Variants in PRKCB observed in about 807,000 individuals in gnomAD.
PRKCB encodes protein kinase C beta.
In PRKCB, 13 loss-of-function variants were observed where a neutral mutation model predicts 81.5. The ratio of observed to expected loss-of-function variants is 0.16; its 90% CI spans 0.10 to 0.25. The LOEUF (loss-of-function observed/expected upper bound fraction) is 0.25. Among genes scored for constraint, PRKCB ranks in the 10% least tolerant of loss-of-function variants. The pLI, the probability that PRKCB is intolerant of heterozygous loss-of-function variation, is 1.00. For missense variants in PRKCB, 509 were observed against 875.7 expected, an observed-to-expected ratio of 0.58 and a Z score of 5.29; for synonymous variants, 335 against 321.4, an observed-to-expected ratio of 1.04 and a Z score of -0.45.
At chr16:24,041,985 GA>G (rs111410896) in intron 5 of PRKCB, among the ~76,000 whole-genome samples, 3,195 of 104,350 alleles carry the variant, frequency 0.031, 78 homozygotes, top group African/African-American at 0.088. Flanking sequence ...CTCCATCTTG[GA>G]AAAAAAAAAA....
intron 13 of PRKCB, among the ~76,000 whole-genome samples, chr16:24,181,854 C>T (rs1030515514): frequency 6.9e-6 from 1 of 145,224 alleles, no homozygotes; most frequent in African/African-American, 2.6e-5. Context: ...ACACAGAACA[C>T]TGTTCTGTTT....
intron 3 of PRKCB, among the ~76,000 whole-genome samples, chr16:24,021,720 T>C (rs1965407310): frequency 6.6e-6 from 1 of 152,052 alleles, no homozygotes; most frequent in African/African-American, 2.4e-5. Flanking sequence ...TCCCATGTCC[T>C]TGCTTTGTGA....
Position 23,914,874 on chromosome 16 carries a change from C to T in PRKCB, c.206-73634C>T, listed in dbSNP as rs1244226772. Among the ~76,000 whole-genome samples the T allele has an allele frequency of 3.9e-5, 6 of 152,304 alleles. No homozygotes were observed. In the East Asian group the frequency reaches 1.2e-3, roughly 29 times the overall value. The stretch of plus-strand genomic sequence containing the variant: ...GTGCCTCAGCTTTTAAGCATATATT[C>T]TCCTTGAAAACTATTTAAGCAGAAC... On this transcript the variant is annotated intron_variant, in intron 2 of 16. Coordinates refer to ENST00000643927, the MANE Select transcript of PRKCB (RefSeq NM_002738.7).
intron 9 of PRKCB, among the ~76,000 whole-genome samples, chr16:24,145,913 G>T (rs571577170): frequency 9.8e-5 from 15 of 152,324 alleles, no homozygotes; most frequent in South Asian, 6.2e-4. Context: ...TCTAATGAAG[G>T]TTGCCTCACT....
At chr16:23,865,514 T>C (rs1962771345) in intron 2 of PRKCB, among the ~76,000 whole-genome samples, 1 of 12,272 alleles carries the variant, frequency 8.1e-5, no homozygotes, top group African/African-American at 4.2e-4. Flanking sequence ...TATATATATA[T>C]ATATGTGTGT....
intron 2 of PRKCB, among the ~76,000 whole-genome samples, chr16:23,907,625 A>G (rs1053458700): frequency 6.6e-5 from 10 of 152,176 alleles, no homozygotes; most frequent in Non-Finnish European, 1.3e-4. Flanking sequence ...GTCTGTCATC[A>G]GCAGTATCAA....
At chr16:23,938,945 G>A (rs1964102117) in intron 2 of PRKCB, among the ~76,000 whole-genome samples, 1 of 152,186 alleles carries the variant, frequency 6.6e-6, no homozygotes, top group South Asian at 2.1e-4. Flanking sequence ...AACGACATGC[G>A]TATCTGTGCA....
intron 9 of PRKCB, among the ~76,000 whole-genome samples, chr16:24,150,789 C>T (rs1334501550): frequency 1.3e-5 from 2 of 152,168 alleles, no homozygotes; most frequent in African/African-American, 4.8e-5. Flanking sequence ...TATAATATTT[C>T]CTGTTTGGCC....
At chr16:24,117,260 T>G (rs1348896227) in intron 8 of PRKCB, among the ~76,000 whole-genome samples, 1 of 152,124 alleles carries the variant, frequency 6.6e-6, no homozygotes, top group Non-Finnish European at 1.5e-5. Flanking sequence ...GCTGCTAGAA[T>G]TGGGGTAATA....
At chr16:24,120,094 C>T (rs929453238) in intron 8 of PRKCB, among the ~76,000 whole-genome samples, 2 of 152,116 alleles carry the variant, frequency 1.3e-5, no homozygotes, top group African/African-American at 4.8e-5. Context: ...AGAAGCCAGG[C>T]ACAAGAGTAC....
At chr16:24,108,774 C>T in intron 7 of PRKCB, among the ~76,000 whole-genome samples, 2 of 150,964 alleles carry the variant, frequency 1.3e-5, no homozygotes, top group Middle Eastern at 3.4e-3. Context: ...ACACGGCAAC[C>T]ATCCGATTTC....
At chr16:24,021,640 A>G (rs180877645) in intron 3 of PRKCB, among the ~76,000 whole-genome samples, 81 of 151,972 alleles carry the variant, frequency 5.3e-4, no homozygotes, top group African/African-American at 1.8e-3. Flanking sequence ...CAGCCAGGGG[A>G]CACTGAGGGG....
rs1373490349 is a variant in PRKCB, at chr16:24,218,185, G to A, written c.*3369G>A. 1.0e-6 allele frequency: 1 copy of A among 985,122 alleles called. No homozygotes were observed. Among genetic ancestry groups the A allele is most frequent in the Non-Finnish European group, 1.2e-6 (1 of 829,894 alleles). The allele number at this position is 985,122 out of a possible 1,614,324, so 61.0% of individuals were successfully genotyped here. A position where few individuals can be genotyped will look rare whatever the true frequency, so the allele number is the denominator to read the frequency against. Reference sequence around the variant, plus strand: ...TTGGAGAGAAATAATAAATAAACAAGACAATTTCTGAAAGCAATAAGTGCA... The same window carrying A: ...TTGGAGAGAAATAATAAATAAACAAAACAATTTCTGAAAGCAATAAGTGCA... On this transcript the variant is annotated 3_prime_UTR_variant, in exon 17 of 17. Transcript: ENST00000643927.
At chr16:24,201,375 A>G (rs1247523472) in intron 16 of PRKCB, among the ~76,000 whole-genome samples, 1 of 152,174 alleles carries the variant, frequency 6.6e-6, no homozygotes, top group Non-Finnish European at 1.5e-5. Flanking sequence ...ATCCCTTAGG[A>G]TTACTTTCCC....
intron 12 of PRKCB, among the ~76,000 whole-genome samples, chr16:24,179,991 C>T (rs1455231427): frequency 6.6e-6 from 1 of 152,074 alleles, no homozygotes; most frequent in Non-Finnish European, 1.5e-5. Flanking sequence ...GTCACCCAGG[C>T]TGGAGTGCAG....
At chr16:24,149,602 G>T (rs1967046547) in intron 9 of PRKCB, among the ~76,000 whole-genome samples, 1 of 152,154 alleles carries the variant, frequency 6.6e-6, no homozygotes, top group Non-Finnish European at 1.5e-5. Flanking sequence ...TTAAAATGCA[G>T]ACTCCCAGGT....
intron 7 of PRKCB, among the ~76,000 whole-genome samples, chr16:24,104,317 G>A (rs77297543): frequency 0.059 from 8,920 of 152,126 alleles, 891 homozygotes; most frequent in African/African-American, 0.2. Context: ...CAGCTAATGC[G>A]TTTTCTCTAT....
intron 3 of PRKCB, among the ~76,000 whole-genome samples, chr16:23,991,940 T>C (rs1448896878): frequency 1.3e-5 from 2 of 152,230 alleles, no homozygotes; most frequent in African/African-American, 4.8e-5. Context: ...ACTTATATCC[T>C]GAAATCCTAA....
At chr16:23,855,834 G>A (rs1312758192) in intron 2 of PRKCB, among the ~76,000 whole-genome samples, 3 of 152,194 alleles carry the variant, frequency 2.0e-5, no homozygotes, top group Non-Finnish European at 1.5e-5. Flanking sequence ...TCTTTGGAAG[G>A]CAGCATTACC....
Sources: gnomAD v4.1 joint callset for allele counts (sites outside exome capture counted in the v4.1 genomes callset) on GRCh38, gnomAD v4.1.1 for gene constraint, MANE v1.5 for transcripts, NCBI Gene and HGNC (gene_info 2026-07-23, HGNC 2026-07-21) for gene names.